Variants in DNM3 observed in about 807,000 individuals in gnomAD.
The protein encoded by DNM3 is dynamin 3, also known as dynamin-3.
DNM3 carries 47 observed loss-of-function variants against 101.6 expected under a neutral mutation model. The observed-to-expected ratio is 0.46, with a 90% confidence interval of 0.37 to 0.59. The LOEUF (loss-of-function observed/expected upper bound fraction) is 0.59, where lower values mean the gene tolerates loss of function less well. Ranked by LOEUF, DNM3 falls within the 20% of genes least tolerant of loss-of-function variation. The pLI is 0.00. For missense variants in DNM3, 849 were observed against 1,085.7 expected, an observed-to-expected ratio of 0.78 and a Z score of 3.06; for synonymous variants, 385 against 387.9, an observed-to-expected ratio of 0.99 and a Z score of 0.09.
rs1420818048 is a variant in DNM3, at chr1:171,884,354, C to T, written c.162-37394C>T. ...TTTTCCTGACACTCCTGTTCATCTTCCATGCTGGACCCATTAGGATTAATC... is the reference window on the plus strand; with the variant it reads ...TTTTCCTGACACTCCTGTTCATCTTTCATGCTGGACCCATTAGGATTAATC... On this transcript the variant is annotated intron_variant, in intron 1 of 20. Transcript: ENST00000627582. 5.9e-5 allele frequency among the ~76,000 whole-genome samples: 9 copies of T among 152,338 alleles called. No homozygotes were observed. In the South Asian group the frequency reaches 8.3e-4, roughly 14 times the overall value.
chr1:172,252,984 A>T (rs1015968834), intron 14 of DNM3, among the ~76,000 whole-genome samples: 24 of 152,058 alleles, frequency 1.6e-4, no homozygotes, highest in Non-Finnish European at 2.6e-4. Context: ...TTTATTCTAG[A>T]CCCAAATGAG....
Position 172,378,988 on chromosome 1 carries a change from T to C in DNM3, c.1894-30T>C, listed in dbSNP as rs760270570. On this transcript the variant is annotated intron_variant, in intron 17 of 20. Transcript: ENST00000627582. The stretch of plus-strand genomic sequence containing the variant: ...TATTTTCTTCTGAGTGAATATGAGA[T>C]AATCCATGGTTTGTTTTCTCTTCTT... The C allele has an allele frequency of 5.0e-6, 8 of 1,599,146 alleles. No homozygotes were observed. The South Asian group carries it at 6.8e-5, about 14-fold the overall frequency.
intron 15 of DNM3, among the ~76,000 whole-genome samples, chr1:172,302,974 C>T (rs1193770845): frequency 2.0e-5 from 3 of 152,142 alleles, no homozygotes; most frequent in African/African-American, 7.2e-5. Flanking sequence ...ACTTTTTCTC[C>T]TCCAAAGGAT....
At chr1:172,107,724 C>A (rs143131813) in intron 13 of DNM3, among the ~76,000 whole-genome samples, 2 of 152,238 alleles carry the variant, frequency 1.3e-5, no homozygotes, top group African/African-American at 4.8e-5. Context: ...TCCAATAGTG[C>A]TCTTTTGTTA....
At chr1:171,884,508 T>C (rs1045731476) in intron 1 of DNM3, among the ~76,000 whole-genome samples, 1 of 152,210 alleles carries the variant, frequency 6.6e-6, no homozygotes, top group Non-Finnish European at 1.5e-5. Flanking sequence ...ATTAGATCCA[T>C]TTGCCCTGCA....
At chr1:171,969,754 G>A (rs773817095) in intron 2 of DNM3, among the ~76,000 whole-genome samples, 4 of 152,086 alleles carry the variant, frequency 2.6e-5, no homozygotes, top group South Asian at 2.1e-4. Context: ...TCAAAACACC[G>A]TATTTTGAGG....
chr1:172,384,274 G>A (rs1345384689), intron 18 of DNM3, among the ~76,000 whole-genome samples: 1 of 152,140 alleles, frequency 6.6e-6, no homozygotes, highest in Non-Finnish European at 1.5e-5. Context: ...TATGTCGCTT[G>A]ATACCTGTAC....
chr1:172,007,605 T>C (rs2046783494), intron 4 of DNM3, among the ~76,000 whole-genome samples: 1 of 152,124 alleles, frequency 6.6e-6, no homozygotes, highest in Admixed American at 6.6e-5. Context: ...CTGTATCTTT[T>C]GAAGAGCAAA....
At chr1:172,290,909 AG>A (rs1336972092) in intron 15 of DNM3, among the ~76,000 whole-genome samples, 1 of 152,180 alleles carries the variant, frequency 6.6e-6, no homozygotes, top group Non-Finnish European at 1.5e-5. Context: ...GTAGTCAGTG[AG>A]GTAGCAGTGT....
intron 1 of DNM3, among the ~76,000 whole-genome samples, chr1:171,848,645 T>G (rs2032522496): frequency 6.6e-6 from 1 of 152,178 alleles, no homozygotes; most frequent in African/African-American, 2.4e-5. Context: ...AAAATAAAGA[T>G]GTATTTGTGT....
chr1:172,223,514 G>A (rs539133673), intron 14 of DNM3, among the ~76,000 whole-genome samples: 27 of 152,054 alleles, frequency 1.8e-4, no homozygotes, highest in African/African-American at 6.3e-4. Flanking sequence ...CAAATAGAGG[G>A]TACTTTTGTC....
At position 172,408,697 on chromosome 1, in the gene DNM3, AG is replaced by A; in HGVS notation, c.*857del. 1 of 984,892 alleles carries A rather than the reference AG, an allele frequency of 1.0e-6. No homozygotes were observed. The highest frequency in any genetic ancestry group is 1.7e-5 in the African/African-American group (1 of 57,342). The allele number at this position is 984,892 out of a possible 1,614,324, so 61.0% of individuals were successfully genotyped here. On this transcript the variant is annotated 3_prime_UTR_variant, in exon 21 of 21. Transcript: ENST00000627582. ...GAATGTTTACTTTTCTATTTGGCAT[AG>A]CTAACTACACTTTGATACTAACTCC...
At chr1:172,065,497 T>C (rs576461975) in intron 10 of DNM3, among the ~76,000 whole-genome samples, 1 of 152,348 alleles carries the variant, frequency 6.6e-6, no homozygotes, top group South Asian at 2.1e-4. Context: ...TCTCTTCCAC[T>C]CTGAAGGCTT....
chr1:172,099,940 T>C (rs1343696611), intron 13 of DNM3, among the ~76,000 whole-genome samples: 1 of 152,212 alleles, frequency 6.6e-6, no homozygotes, highest in Non-Finnish European at 1.5e-5. Flanking sequence ...GATGTGGCAT[T>C]TACATGACTG....
At chr1:172,083,225 C>T (rs560466347) in intron 12 of DNM3, among the ~76,000 whole-genome samples, 12 of 152,234 alleles carry the variant, frequency 7.9e-5, no homozygotes, top group African/African-American at 2.6e-4. Context: ...CCTCCACAGT[C>T]AGTGAACTCT....
chr1:172,076,565 T>G (rs1311894357), intron 11 of DNM3, among the ~76,000 whole-genome samples: 2 of 152,232 alleles, frequency 1.3e-5, no homozygotes, highest in African/African-American at 4.8e-5. Flanking sequence ...CTCCATCTAT[T>G]GAGATAATCA....
At chr1:172,218,625 T>C (rs2060791697) in intron 14 of DNM3, among the ~76,000 whole-genome samples, 1 of 151,956 alleles carries the variant, frequency 6.6e-6, no homozygotes, top group Non-Finnish European at 1.5e-5. Context: ...TTATAAATTC[T>C]AAAAAAAATC....
intron 1 of DNM3, among the ~76,000 whole-genome samples, chr1:171,895,606 G>A (rs2037713643): frequency 6.6e-6 from 1 of 152,176 alleles, no homozygotes; most frequent in African/African-American, 2.4e-5. Context: ...CACTCTGATG[G>A]TAGTTTCTTT....
intron 1 of DNM3, among the ~76,000 whole-genome samples, chr1:171,880,133 A>G (rs1007755457): frequency 3.3e-5 from 5 of 152,262 alleles, no homozygotes; most frequent in African/African-American, 1.2e-4. Flanking sequence ...AATGTGCTGT[A>G]TCAGCCACAG....
Sources: allele counts gnomAD v4.1 joint callset (sites outside exome capture counted in the v4.1 genomes callset), GRCh38; gene constraint gnomAD v4.1.1; transcripts MANE v1.5; gene names NCBI Gene and HGNC (gene_info 2026-07-23, HGNC 2026-07-21).